The following LMNA variants were observed in gnomAD, a reference collection of about 807,000 sequenced individuals.
The protein encoded by LMNA is lamin A/C, also known as lamin.
Under a neutral mutation model 70.4 loss-of-function variants are expected in LMNA, and 20 were observed. The observed-to-expected ratio is 0.28, with a 90% CI of 0.20 to 0.41. The LOEUF is 0.41. LMNA is among the 10% of genes least tolerant of loss of function. The probability of loss-of-function intolerance (pLI) is 1.00; values close to 1 mark genes in which losing one functional copy is unlikely to be tolerated. For missense variants in LMNA, 652 were observed against 917.2 expected, an observed-to-expected ratio of 0.71 and a Z score of 3.73; for synonymous variants, 339 against 372.8, an observed-to-expected ratio of 0.91 and a Z score of 1.04.
chr1:156,135,350 A>G lies in LMNA; in HGVS notation c.936+38A>G. 2.2e-6 allele frequency: 3 copies of G among 1,363,898 alleles called. No individual in the cohort carries two copies. The highest frequency in any genetic ancestry group is 1.2e-5 in the South Asian group (1 of 86,346). 84.5% of individuals were successfully genotyped at this position (1,363,898 alleles called of 1,614,324 possible). On this transcript the variant is annotated intron_variant, in intron 5 of 11. Transcript: ENST00000368300. The surrounding 1 kb of genome is among the most constrained non-coding windows in gnomAD (Gnocchi z 4.8). ...CTCACCCCTCTCTCCAGGGGCCTAG[A>G]GTCTGGGCCGGATGCAGGCTGGAAG...
Position 156,137,549 on chromosome 1 carries a change from C to A in LMNA, c.1609-105C>A. 1 of 1,086,556 alleles carries A rather than the reference C, an allele frequency of 9.2e-7. No individual in the cohort carries two copies. The highest frequency in any genetic ancestry group is 1.4e-6 in the Non-Finnish European group (1 of 732,304). 67.3% of individuals were successfully genotyped at this position (1,086,556 alleles called of 1,614,324 possible). Reference sequence around the variant, plus strand: ...AGGACAGAGTAAGCAGCAGGCCGGACAAAGGGCAGGCCACAAGAAAAGTTG... The same window carrying A: ...AGGACAGAGTAAGCAGCAGGCCGGAAAAAGGGCAGGCCACAAGAAAAGTTG... On this transcript the variant is annotated intron_variant, in intron 9 of 11. Coordinates refer to ENST00000368300, the MANE Select transcript of LMNA (RefSeq NM_170707.4). This position sits in a 1 kb window ranked among gnomAD's most constrained non-coding sequence, Gnocchi z 4.6.
Position 156,115,413 on chromosome 1 carries a change from G to GC in LMNA, c.356+144dup. 1.3e-6 allele frequency: 1 copy of GC among 772,894 alleles called. No individual in the cohort carries two copies. Among genetic ancestry groups the GC allele is most frequent in the Admixed American group, 2.1e-5 (1 of 48,476 alleles). The allele number at this position is 772,894 out of a possible 1,614,324, so 47.9% of individuals were successfully genotyped here. A position where few individuals can be genotyped will look rare whatever the true frequency, so the allele number is the denominator to read the frequency against. ...CATAGTCTCCTCCCTCCCCGGAACT[G>GC]CCCCCAGCGGGTGACTGGCAGTGTC... is the stretch of plus-strand genomic sequence containing the variant. On this transcript the variant is annotated intron_variant, in intron 1 of 11. Coordinates refer to ENST00000368300, the MANE Select transcript of LMNA (RefSeq NM_170707.4). The surrounding 1 kb of genome is among the most constrained non-coding windows in gnomAD (Gnocchi z 5.8).
chr1:156,120,213 C>T (rs115452021), intron 1 of LMNA, among the ~76,000 whole-genome samples: 11 of 152,318 alleles, frequency 7.2e-5, no homozygotes, highest in African/African-American at 2.6e-4. Context: ...ACAGCAAAGG[C>T]CACAGAGGCA....
At chr1:156,097,392 C>G (rs1224137430) in intron 3 of LMNA, among the ~76,000 whole-genome samples, 1 of 152,250 alleles carries the variant, frequency 6.6e-6, no homozygotes, top group Non-Finnish European at 1.5e-5. Flanking sequence ...CTGCCAGCTA[C>G]TGGCAGGGAA....
chr1:156,139,427 G>T lies in LMNA; in HGVS notation c.*321G>T, dbSNP rs1651930293. ...AAAGAGGGCTTCCTCTAGAAGCCAA[G>T]GGAAAGGGGTGCTTTTATAGAGGCT... On this transcript the variant is annotated 3_prime_UTR_variant, in exon 12 of 12. Transcript: ENST00000368300. 14 of 1,350,242 alleles carry T rather than the reference G, an allele frequency of 1.0e-5. No individual in the cohort carries two copies. The highest frequency in any genetic ancestry group is 1.3e-5 in the Non-Finnish European group (14 of 1,053,242). The allele number at this position is 1,350,242 out of a possible 1,614,324, so 83.6% of individuals were successfully genotyped here.
chr1:156,133,391 T>C (rs1415501896), intron 2 of LMNA, among the ~76,000 whole-genome samples: 2 of 151,338 alleles, frequency 1.3e-5, no homozygotes, highest in African/African-American at 4.8e-5. Context: ...GCCAACATGG[T>C]GAAACCCTGT....
intron 3 of LMNA, among the ~76,000 whole-genome samples, chr1:156,097,358 C>G (rs919785063): frequency 1.3e-5 from 2 of 152,232 alleles, no homozygotes; most frequent in Non-Finnish European, 2.9e-5. Context: ...TGCATTCCCC[C>G]AGCCCAGGCC....
At position 156,134,791 on chromosome 1, in the gene LMNA, TCC is replaced by T; in HGVS notation, c.640-13_640-12del. 1 of 1,614,098 alleles carries T rather than the reference TCC, an allele frequency of 6.2e-7. No individual in the cohort carries two copies. Among genetic ancestry groups the T allele is most frequent in the Non-Finnish European group, 8.5e-7 (1 of 1,180,012 alleles). On this transcript the variant is annotated splice_polypyrimidine_tract_variant and intron_variant, in intron 3 of 11. Transcript: ENST00000368300. This position sits in a 1 kb window ranked among gnomAD's most constrained non-coding sequence, Gnocchi z 5.3. ...CTGATTTTGGTTTCTGTGTCCTTCC[TCC>T]AACCCTTCCAGGAGCTGCGTGAGAC... is the stretch of plus-strand genomic sequence containing the variant.
chr1:156,134,966 T>C lies in LMNA; in HGVS notation c.801T>C (p.Tyr267=). The change falls in exon 4 of 12, where the codon TAT becomes TAC. Residue 267 remains tyrosine (Y), a synonymous_variant. Coordinates refer to ENST00000368300, the MANE Select transcript of LMNA (RefSeq NM_170707.4). The surrounding 1 kb of genome is among the most constrained non-coding windows in gnomAD (Gnocchi z 5.3). ...EQYKKELEKT[Y]SAKLDNARQS... is the part of the protein sequence containing the mutation. Reference sequence around the variant, plus strand: ...ATAAGAAGGAGCTGGAGAAGACTTATTCTGCCAAGGTGCTTGCTCTCGATT... The same window carrying C: ...ATAAGAAGGAGCTGGAGAAGACTTACTCTGCCAAGGTGCTTGCTCTCGATT... 6.2e-7 allele frequency: 1 copy of C among 1,614,198 alleles called. No individual in the cohort carries two copies. Among genetic ancestry groups the C allele is most frequent in the Non-Finnish European group, 8.5e-7 (1 of 1,180,032 alleles).
In LMNA at chr1:156,138,700, C is replaced by A. The variant is rs117939448; in HGVS notation, c.1911C>A (p.Phe637Leu). 8.1e-6 allele frequency: 13 copies of A among 1,613,516 alleles called. No homozygotes were observed. The highest frequency in any genetic ancestry group is 1.1e-5 in the Non-Finnish European group (13 of 1,179,998). The change falls in exon 11 of 12, where the codon TTC becomes TTA. Residue 637 changes from phenylalanine (F) to leucine (L), a missense_variant. Physicochemically the swap from Phe to Leu is conservative, Grantham distance 22. Transcript: ENST00000368300. This position sits in a 1 kb window ranked among gnomAD's most constrained non-coding sequence, Gnocchi z 5.5. ...TGGGGGGCAGTGGGGGTGGCAGCTT[C>A]GGGGACAATCTGGTCACCCGCTCCT... The part of the protein sequence containing the change: ...RSVGGSGGGS[F>L]GDNLVTRSYL...
chr1:156,135,598 T>C lies in LMNA; in HGVS notation c.936+286T>C. 1.7e-6 allele frequency: 1 copy of C among 591,020 alleles called. No homozygotes were observed. Among genetic ancestry groups the C allele is most frequent in the Non-Finnish European group, 3.0e-6 (1 of 332,372 alleles). 36.6% of individuals were successfully genotyped at this position (591,020 alleles called of 1,614,324 possible). ...CTAACTCAGAGTTGCCACAGGACTCTGCAATGTGAGGTGTTAAAAGCATCA... is the reference window on the plus strand; with the variant it reads ...CTAACTCAGAGTTGCCACAGGACTCCGCAATGTGAGGTGTTAAAAGCATCA... On this transcript the variant is annotated intron_variant, in intron 5 of 11. Coordinates refer to ENST00000368300, the MANE Select transcript of LMNA (RefSeq NM_170707.4). This position sits in a 1 kb window ranked among gnomAD's most constrained non-coding sequence, Gnocchi z 4.8.
Position 156,136,712 on chromosome 1 carries a change from T to A in LMNA, c.1381-209T>A. ...CTAAGTCTTTGAGTTGTCAGGAAGA[T>A]GAAAGATAAGGTATCCGTGTGCCTG... is the stretch of plus-strand genomic sequence containing the variant. On this transcript the variant is annotated intron_variant, in intron 7 of 11. Coordinates refer to ENST00000368300, the MANE Select transcript of LMNA (RefSeq NM_170707.4). The surrounding 1 kb of genome is among the most constrained non-coding windows in gnomAD (Gnocchi z 6.1). 1.5e-6 allele frequency: 1 copy of A among 677,286 alleles called. No individual in the cohort carries two copies. The highest frequency in any genetic ancestry group is 1.6e-5 in the South Asian group (1 of 61,310). The allele number at this position is 677,286 out of a possible 1,614,324, so 42.0% of individuals were successfully genotyped here.
Position 156,115,489 on chromosome 1 carries a change from A to T in LMNA, c.356+215A>T, listed in dbSNP as rs899573113. On this transcript the variant is annotated intron_variant, in intron 1 of 11. Coordinates refer to ENST00000368300, the MANE Select transcript of LMNA (RefSeq NM_170707.4). This position sits in a 1 kb window ranked among gnomAD's most constrained non-coding sequence, Gnocchi z 5.8. ...AGAGGGAAGTGGTGGTCTCTGGGAG[A>T]GGGTCGGGGAGGATATAAGGAATGG... 6.6e-6 allele frequency among the ~76,000 whole-genome samples: 1 copy of T among 151,582 alleles called. No homozygotes were observed. Among genetic ancestry groups the T allele is most frequent in the Non-Finnish European group, 1.5e-5 (1 of 67,920 alleles).
chr1:156,117,460 C>T (rs1220844762), intron 1 of LMNA, among the ~76,000 whole-genome samples: 2 of 152,072 alleles, frequency 1.3e-5, no homozygotes, highest in Non-Finnish European at 2.9e-5. Context: ...ATCTCGAACT[C>T]CTGACCTCAA....
At chr1:156,124,972 C>T (rs1385710054) in intron 1 of LMNA, among the ~76,000 whole-genome samples, 1 of 152,160 alleles carries the variant, frequency 6.6e-6, no homozygotes, top group Non-Finnish European at 1.5e-5. Context: ...ATGTTTTGCA[C>T]CAATCTGCTG....
At chr1:156,104,104 C>T (rs1055065572) in intron 3 of LMNA, among the ~76,000 whole-genome samples, 1 of 152,240 alleles carries the variant, frequency 6.6e-6, no homozygotes, top group African/African-American at 2.4e-5. Context: ...GAAGGCCTGG[C>T]AGCCCAGGGA....
chr1:156,130,497 C>T lies in LMNA; in HGVS notation c.357-120C>T, dbSNP rs553940886. ...GCAAACCAACCTAATGCAAGGATGCCCTCTCCTGGTAATTGCAGGCATAGC... is the reference window on the plus strand; with the variant it reads ...GCAAACCAACCTAATGCAAGGATGCTCTCTCCTGGTAATTGCAGGCATAGC... On this transcript the variant is annotated intron_variant, in intron 1 of 11. Coordinates refer to ENST00000368300, the MANE Select transcript of LMNA (RefSeq NM_170707.4). 6.4e-6 allele frequency: 7 copies of T among 1,091,446 alleles called. No homozygotes were observed. In the East Asian group the frequency reaches 1.7e-4, roughly 26 times the overall value. 67.6% of individuals were successfully genotyped at this position (1,091,446 alleles called of 1,614,324 possible). A position where few individuals can be genotyped will look rare whatever the true frequency, so the allele number is the denominator to read the frequency against.
intron 1 of LMNA, among the ~76,000 whole-genome samples, chr1:156,121,046 CTTTTTTTTTTT>C (rs57371677): frequency 2.0e-5 from 2 of 100,404 alleles, no homozygotes; most frequent in African/African-American, 4.3e-5. Flanking sequence ...CAAATCCATT[CTTTTTTTTTTT>C]TTTTTTTTTT....
chr1:156,117,988 T>G (rs1379368157), intron 1 of LMNA, among the ~76,000 whole-genome samples: 1 of 149,212 alleles, frequency 6.7e-6, no homozygotes, highest in African/African-American at 2.5e-5. Flanking sequence ...TTTTTTTTTT[T>G]TTTTTTGCTT....
Sources: gnomAD v4.1 joint callset for allele counts (sites outside exome capture counted in the v4.1 genomes callset) on GRCh38, gnomAD v4.1.1 for gene constraint, Gnocchi (gnomAD v3.1) non-coding constraint, MANE v1.5 for transcripts, NCBI Gene and HGNC (gene_info 2026-07-23, HGNC 2026-07-21) for gene names.